TEP1: variants seen among roughly 807,000 people sequenced by gnomAD.
The protein encoded by TEP1 is telomerase associated protein 1.
Under a neutral mutation model 306.3 loss-of-function variants are expected in TEP1, and 241 were observed. That is an observed-to-expected ratio of 0.79 (90% CI 0.71 to 0.88). TEP1 has a LOEUF of 0.88. TEP1 is among the 40% of genes least tolerant of loss of function. The probability of loss-of-function intolerance (pLI) is 0.00; values close to 1 mark genes in which losing one functional copy is unlikely to be tolerated. For missense variants in TEP1, 3,051 were observed against 3,276.1 expected, an observed-to-expected ratio of 0.93 and a Z score of 1.68; for synonymous variants, 1,289 against 1,305.5, an observed-to-expected ratio of 0.99 and a Z score of 0.27.
intron 12 of TEP1, among the ~76,000 whole-genome samples, chr14:20,392,807 T>C (rs879888015): frequency 1.3e-5 from 2 of 152,212 alleles, no homozygotes; most frequent in Non-Finnish European, 2.9e-5. Context: ...GTATAAAAAA[T>C]GTCCCTTTTT....
intron 1 of TEP1, among the ~76,000 whole-genome samples, chr14:20,411,355 C>T (rs1266851836): frequency 6.6e-6 from 1 of 152,140 alleles, no homozygotes; most frequent in Non-Finnish European, 1.5e-5. Flanking sequence ...AGGCAGATCC[C>T]TGGAACACTC....
chr14:20,368,491 C>T lies in TEP1; in HGVS notation c.7830G>A (p.Leu2610=). 6.2e-7 allele frequency: 1 copy of T among 1,614,180 alleles called. No individual in the cohort carries two copies. The highest frequency in any genetic ancestry group is 8.5e-7 in the Non-Finnish European group (1 of 1,180,038). ...LEPWLGANST[L]QLAVGDVQGN... ...CCTGCACGTCTCCCACGGCAAGCTG[C>T]AGGGTGGAGTTAGCGCCCAGCCAAG... The change falls in exon 55 of 55, where the codon CTG becomes CTA. Residue 2610 remains leucine (L), a synonymous_variant. Transcript: ENST00000262715.
At position 20,407,968 on chromosome 14, in the gene TEP1, T is replaced by C. The variant is rs1386430295; in HGVS notation, c.472A>G (p.Arg158Gly). The change falls in exon 2 of 55, where the codon AGG becomes GGG. Residue 158 changes from arginine to glycine, a missense_variant. Around this residue, in one of 3 missense-constraint regions of TEP1, gnomAD observed 1,507 missense variants for 1,550.5 expected, o/e 0.97. Transcript: ENST00000262715. Reference sequence around the variant, plus strand: ...AGTCCCTTAGAGAAATGCTGAGCCCTCCAACTTGGAGGCTCAGAGAGCAGG... The same window carrying C: ...AGTCCCTTAGAGAAATGCTGAGCCCCCCAACTTGGAGGCTCAGAGAGCAGG... ...NCLLSEPPSW[R>G]AQHFSKGLDL... 4.3e-6 allele frequency: 7 copies of C among 1,614,114 alleles called. 1 individual carries two copies. In the South Asian group the frequency reaches 5.5e-5, roughly 13 times the overall value.
Position 20,380,474 on chromosome 14 carries a change from A to C in TEP1, c.4764T>G (p.Ala1588=). The change falls in exon 34 of 55, where the codon GCT becomes GCG. Residue 1588 remains alanine, a splice_region_variant and synonymous_variant. Transcript: ENST00000262715. ...TTTGTTCCTCTTTGGGGACTGAAGA[A>C]GCTATAAAAGGGTGGCAGAATGTCA... The part of the protein sequence containing the change: ...SRLLEAHALY[A]SSVPKEEQKL... The C allele has an allele frequency of 1.9e-6, 3 of 1,610,352 alleles. No homozygotes were observed. Among genetic ancestry groups the C allele is most frequent in the Non-Finnish European group, 1.7e-6 (2 of 1,178,878 alleles).
intron 8 of TEP1, 143 bp downstream of exon 8, chr14:20,401,314 A>G (rs1306624566): frequency 1.2e-5 from 17 of 1,381,604 alleles, no homozygotes; most frequent in Non-Finnish European, 1.6e-5. Context: ...AAAGGCAGCA[A>G]TTGGAAAGGC....
Position 20,376,240 on chromosome 14 carries a change from G to A in TEP1, c.6113C>T (p.Pro2038Leu). The change falls in exon 42 of 55, where the codon CCA (proline) becomes CTA (leucine). Residue 2038 changes from proline to leucine, a missense_variant. By Grantham distance (98) the Pro-to-Leu change is moderately conservative. Coordinates refer to ENST00000262715, the MANE Select transcript of TEP1 (RefSeq NM_007110.5). The part of the protein sequence containing the change: ...ASEDFTVQLW[P>L]RQLLTRPHKA... ...GTGTGGCCGCGTCAGCAGCTGCCTTGGCCACAGCTGCACTGTGAAATCCTC... is the reference window on the plus strand; with the variant it reads ...GTGTGGCCGCGTCAGCAGCTGCCTTAGCCACAGCTGCACTGTGAAATCCTC... 6.2e-7 allele frequency: 1 copy of A among 1,614,120 alleles called. No individual in the cohort carries two copies.
intron 44 of TEP1, 70 bp downstream of exon 44, chr14:20,374,359 A>G: frequency 9.3e-7 from 1 of 1,076,718 alleles, no homozygotes; most frequent in Non-Finnish European, 1.4e-6. Flanking sequence ...TAGATACTCC[A>G]TGCACCGTCT....
rs1369185457 is a variant in TEP1 at position 20,381,058 on chromosome 14, G to A, written c.4648-13C>T. 1 of 1,607,200 alleles carries A rather than the reference G, an allele frequency of 6.2e-7. No homozygotes were observed. Among genetic ancestry groups the A allele is most frequent in the East Asian group, 2.2e-5 (1 of 44,862 alleles). On this transcript the variant is annotated splice_polypyrimidine_tract_variant and intron_variant, in intron 32 of 54. Transcript: ENST00000262715. This position sits in a 1 kb window ranked among gnomAD's most constrained non-coding sequence, Gnocchi z 4.0. Reference sequence around the variant, plus strand: ...TCCCGCTCTGGAGCTGAGAAGGTCAGATTGAATTCATTAGGGATATGAAGG... The same window carrying A: ...TCCCGCTCTGGAGCTGAGAAGGTCAAATTGAATTCATTAGGGATATGAAGG...
chr14:20,401,495 G>C lies in TEP1; in HGVS notation c.1353C>G (p.His451Gln). The change falls in exon 8 of 55, where the codon CAC (histidine) becomes CAG (glutamine). Residue 451 changes from histidine to glutamine, a missense_variant. His to Gln is a conservative substitution (Grantham distance 24). Coordinates refer to ENST00000262715, the MANE Select transcript of TEP1 (RefSeq NM_007110.5). ...GGGCTTGAACGTGCTGGGCAGGCTT[G>C]TGGATGTGCAGTCGCTGAACCAGCT... The part of the protein sequence containing the change: ...LKKLVQRLHI[H>Q]KPAQHVQALL... The C allele has an allele frequency of 6.2e-7, 1 of 1,614,226 alleles. No homozygotes were observed. The highest frequency in any genetic ancestry group is 8.5e-7 in the Non-Finnish European group (1 of 1,180,034).
At position 20,369,507 on chromosome 14, in the gene TEP1, T is replaced by C; in HGVS notation, c.7493A>G (p.Glu2498Gly). The C allele has an allele frequency of 1.2e-6, 2 of 1,614,140 alleles. No homozygotes were observed. Among genetic ancestry groups the C allele is most frequent in the East Asian group, 4.5e-5 (2 of 44,888 alleles). Residue 2498 changes from glutamate (E) to glycine (G), a missense_variant, in exon 53 of 55, where the codon GAA (glutamate) becomes GGA (glycine). Physicochemically the swap from Glu to Gly is moderately conservative, Grantham distance 98. Coordinates refer to ENST00000262715, the MANE Select transcript of TEP1 (RefSeq NM_007110.5). ...CTGCCACATGTTACCTGTGGTCCAT[T>C]CTCCTTCTGGGCTGCATTTGGCCAG... ...WNLAKCSPEG[E>G]WTTGNMWQKK...
At position 20,382,595 on chromosome 14, in the gene TEP1, T is replaced by C. The variant is rs979003469; in HGVS notation, c.4140+28A>G. The C allele has an allele frequency of 2.5e-6, 4 of 1,611,392 alleles. No homozygotes were observed. In the African/African-American group the frequency reaches 4.0e-5, roughly 16 times the overall value. ...TGAAGAGAGAATGGGAAGTAGTGATTAGGACTTGGAAGGTGATGAGAACTG... is the reference window on the plus strand; with the variant it reads ...TGAAGAGAGAATGGGAAGTAGTGATCAGGACTTGGAAGGTGATGAGAACTG... On this transcript the variant is annotated intron_variant, in intron 28 of 54. Transcript: ENST00000262715.
intron 17 of TEP1, among the ~76,000 whole-genome samples, chr14:20,388,533 C>T (rs772109268): frequency 6.6e-6 from 1 of 152,156 alleles, no homozygotes; most frequent in African/African-American, 2.4e-5. Context: ...ATAAAAAAAA[C>T]GTGAAAAGAT....
chr14:20,384,591 T>A lies in TEP1; in HGVS notation c.3221+9A>T, dbSNP rs774477985. On this transcript the variant is annotated intron_variant, in intron 22 of 54. Coordinates refer to ENST00000262715, the MANE Select transcript of TEP1 (RefSeq NM_007110.5). ...TCTGTACAGGTGCTCCCTACCTCCC[T>A]CAGCTCACCTGCGGCAGGTGATCCC... is the stretch of plus-strand genomic sequence containing the variant. 6.2e-7 allele frequency: 1 copy of A among 1,613,686 alleles called. No individual in the cohort carries two copies. Among genetic ancestry groups the A allele is most frequent in the Non-Finnish European group, 8.5e-7 (1 of 1,179,662 alleles).
chr14:20,411,254 G>A (rs1275216720), intron 1 of TEP1, among the ~76,000 whole-genome samples: 7 of 152,052 alleles, frequency 4.6e-5, no homozygotes, highest in Non-Finnish European at 7.4e-5. Context: ...CTAACACCCC[G>A]ATCTAACCCT....
At position 20,381,564 on chromosome 14, in the gene TEP1, A is replaced by T. The variant is rs376305997; in HGVS notation, c.4547T>A (p.Ile1516Asn). The change falls in exon 31 of 55, where the codon ATC becomes AAC. Residue 1516 changes from isoleucine (I) to asparagine (N), a missense_variant. Coordinates refer to ENST00000262715, the MANE Select transcript of TEP1 (RefSeq NM_007110.5). This position sits in a 1 kb window ranked among gnomAD's most constrained non-coding sequence, Gnocchi z 4.0. ...TGGGCTGCAATCACCTGCAATGAGG[A>T]TGTGTGCCGTGTCCTCTAGCCCTGG... ...KRPGLEDTAH[I>N]LIAAQLWKTC... 3.1e-6 allele frequency: 5 copies of T among 1,613,610 alleles called. No individual in the cohort carries two copies. The highest frequency in any genetic ancestry group is 4.2e-6 in the Non-Finnish European group (5 of 1,180,022).
At chr14:20,393,802 C>G (rs1376181158) in intron 12 of TEP1, among the ~76,000 whole-genome samples, 1 of 149,742 alleles carries the variant, frequency 6.7e-6, no homozygotes, top group East Asian at 2.0e-4. Flanking sequence ...AAAAAAAGAG[C>G]CAGGGTGCTT....
rs1885371723 is a variant in TEP1, at chr14:20,379,028, A to C, written c.5205T>G (p.Thr1735=). ...LFLSDDTLFL[T]AFDGLLELWD... ...AGAGCTCCAGGAGCCCGTCGAAGGC[A>C]GTAAGAAAGAGTGTATCATCGGAGA... The change falls in exon 36 of 55, where the codon ACT becomes ACG. Residue 1735 remains threonine (T), a synonymous_variant. Coordinates refer to ENST00000262715, the MANE Select transcript of TEP1 (RefSeq NM_007110.5). 6.2e-7 allele frequency: 1 copy of C among 1,614,124 alleles called. No homozygotes were observed. Among genetic ancestry groups the C allele is most frequent in the African/African-American group, 1.3e-5 (1 of 74,952 alleles).
Position 20,384,088 on chromosome 14 carries a change from TTC to T in TEP1, c.3482_3483del (p.Gly1161GlufsTer28). On this transcript the variant is annotated frameshift_variant, in exon 24 of 55. Transcript: ENST00000262715. LOFTEE classifies it high-confidence loss of function. ...DTVQRLMLPH[G>X]RLSLVTGQSG... ...GACTGCCCCGTCACCAGGCTCAGCC[TTC>T]CGTGGGGCAGCATCAGCCGTTGCAC... 6.2e-7 allele frequency: 1 copy of T among 1,613,880 alleles called. No homozygotes were observed. Among genetic ancestry groups the T allele is most frequent in the African/African-American group, 1.3e-5 (1 of 75,050 alleles).
At chr14:20,403,931 C>A (rs769127499) in intron 5 of TEP1, 47 bp from the exon 6 acceptor site, 1 of 1,611,386 alleles carries the variant, frequency 6.2e-7, no homozygotes, top group South Asian at 1.1e-5. Flanking sequence ...CCCAAACCAA[C>A]CCTCCAAAAC....
Sources: gnomAD v4.1 joint callset for allele counts (sites outside exome capture counted in the v4.1 genomes callset) on GRCh38, gnomAD v4.1.1 for gene constraint, gnomAD v4.1.1 regional missense constraint, Gnocchi (gnomAD v3.1) non-coding constraint, MANE v1.5 for transcripts, NCBI Gene and HGNC (gene_info 2026-07-23, HGNC 2026-07-21) for gene names.